The following DLGAP2 variants were observed in gnomAD, a reference collection of about 807,000 sequenced individuals.
DLGAP2 encodes the protein DLG associated protein 2.
Under a neutral mutation model 100.3 loss-of-function variants are expected in DLGAP2, and 26 were observed. The observed-to-expected ratio is 0.26, with a 90% CI of 0.19 to 0.36. The LOEUF (loss-of-function observed/expected upper bound fraction) is 0.36. Among genes scored for constraint, DLGAP2 ranks in the 10% least tolerant of loss-of-function variants. DLGAP2 has a pLI of 1.00. For synonymous variants in DLGAP2, 886 were observed against 630.1 expected (o/e 1.41, Z -6.08); for missense variants, 1,858 against 1,453.2 (o/e 1.28, Z -4.53).
intron 12 of DLGAP2, among the ~76,000 whole-genome samples, chr8:1,683,715 T>A (rs528863893): frequency 1.4e-5 from 2 of 148,110 alleles, no homozygotes; most frequent in Non-Finnish European, 3.0e-5. Flanking sequence ...AAGCAGAACA[T>A]CTAGACTCCC....
At chr8:1,490,998 C>T (rs13249482) in intron 3 of DLGAP2, among the ~76,000 whole-genome samples, 73,373 of 137,294 alleles carry the variant, frequency 0.53, 20,821 homozygotes, top group Admixed American at 0.65. Flanking sequence ...ACATTGTGCA[C>T]ATGTACCCTA....
chr8:1,446,805 C>T (rs896962359), intron 3 of DLGAP2, among the ~76,000 whole-genome samples: 1 of 152,158 alleles, frequency 6.6e-6, no homozygotes, highest in Non-Finnish European at 1.5e-5. Flanking sequence ...AGAGGTCATT[C>T]ACATCCCTTG....
chr8:1,126,592 G>A (rs1330070883), intron 2 of DLGAP2, among the ~76,000 whole-genome samples: 1 of 152,108 alleles, frequency 6.6e-6, no homozygotes. Context: ...GCTGTGGGAG[G>A]TGCTGTGCTG....
In DLGAP2 at chr8:1,697,411, C is replaced by T. The variant is rs531658681; in HGVS notation, c.2949+112C>T. On this transcript the variant is annotated intron_variant, in intron 14 of 14. Coordinates refer to ENST00000637795, the MANE Select transcript of DLGAP2 (RefSeq NM_001346810.2). Reference sequence around the variant, plus strand: ...GGTTCTCAGTCTTTTGCTGGCAACACACGAGCAAATTTCCCTCTATGTATG... The same window carrying T: ...GGTTCTCAGTCTTTTGCTGGCAACATACGAGCAAATTTCCCTCTATGTATG... 4.9e-6 allele frequency: 7 copies of T among 1,441,616 alleles called. No individual in the cohort carries two copies. In the Admixed American group the frequency reaches 1.6e-4, roughly 34 times the overall value. The allele number at this position is 1,441,616 out of a possible 1,614,324, so 89.3% of individuals were successfully genotyped here.
chr8:972,422 G>A (rs1232805576), intron 2 of DLGAP2, among the ~76,000 whole-genome samples: 1 of 152,118 alleles, frequency 6.6e-6, no homozygotes, highest in African/African-American at 2.4e-5. Context: ...AGTGATATAA[G>A]CAAAGAGATG....
chr8:1,097,700 A>G (rs529406043), intron 2 of DLGAP2, among the ~76,000 whole-genome samples: 2 of 132,206 alleles, frequency 1.5e-5, no homozygotes, highest in African/African-American at 3.0e-5. Context: ...GGTCTCCTCC[A>G]GTGTGAGACC....
At chr8:1,065,568 C>T (rs1281299840) in intron 2 of DLGAP2, among the ~76,000 whole-genome samples, 1 of 152,182 alleles carries the variant, frequency 6.6e-6, no homozygotes, top group Non-Finnish European at 1.5e-5. Flanking sequence ...AAATGTGGCT[C>T]TGTGCCTTAA....
intron 2 of DLGAP2, among the ~76,000 whole-genome samples, chr8:1,039,983 TGCATGG>T (rs1802276565): frequency 6.8e-6 from 1 of 146,672 alleles, no homozygotes; most frequent in Non-Finnish European, 1.5e-5. Context: ...CGGCTCGGTG[TGCATGG>T]TCTGCTCAGT....
At chr8:1,139,704 C>A (rs768848201) in intron 2 of DLGAP2, among the ~76,000 whole-genome samples, 6 of 152,178 alleles carry the variant, frequency 3.9e-5, no homozygotes, top group South Asian at 4.2e-4. Context: ...AACTGTGGCA[C>A]CCGACAGGCC....
At position 1,389,009 on chromosome 8, in the gene DLGAP2, C is replaced by T. The variant is rs1391728949; in HGVS notation, c.107-112357C>T. 2.1e-5 allele frequency among the ~76,000 whole-genome samples: 3 copies of T among 144,854 alleles called. No homozygotes were observed. The East Asian group carries it at 6.2e-4, about 30-fold the overall frequency. Reference sequence around the variant, plus strand: ...GGTTCAGGTGTCAGGGCTGTGAGAGCAGAGGCCGTGGATGAGGAGGCGCTG... The same window carrying T: ...GGTTCAGGTGTCAGGGCTGTGAGAGTAGAGGCCGTGGATGAGGAGGCGCTG... On this transcript the variant is annotated intron_variant, in intron 3 of 14. Transcript: ENST00000637795.
In DLGAP2 at chr8:957,025, A is replaced by G. The variant is rs1024351507; in HGVS notation, c.73+49059A>G. 3.3e-5 allele frequency among the ~76,000 whole-genome samples: 5 copies of G among 152,214 alleles called. No homozygotes were observed. In the South Asian group the frequency reaches 1.0e-3, roughly 32 times the overall value. On this transcript the variant is annotated intron_variant, in intron 2 of 14. Transcript: ENST00000637795. ...CAGGGTCTAAGAAATGTCACCTGTC[A>G]GTTGTCCTGGCTTATAATTTCAAGC... is the stretch of plus-strand genomic sequence containing the variant.
chr8:848,378 C>T (rs1347922242), intron 1 of DLGAP2, among the ~76,000 whole-genome samples: 3 of 120,136 alleles, frequency 2.5e-5, no homozygotes, highest in African/African-American at 3.0e-5. Context: ...AGTGTAGGGT[C>T]GTGCGGTGCG....
At chr8:1,437,045 A>T (rs1797656254) in intron 3 of DLGAP2, among the ~76,000 whole-genome samples, 1 of 151,808 alleles carries the variant, frequency 6.6e-6, no homozygotes, top group South Asian at 2.1e-4. Flanking sequence ...CCAGGCGCGT[A>T]AGGGTGACGC....
At chr8:851,719 G>A (rs1439141551) in intron 1 of DLGAP2, among the ~76,000 whole-genome samples, 1 of 152,162 alleles carries the variant, frequency 6.6e-6, no homozygotes, top group Non-Finnish European at 1.5e-5. Context: ...GCTATGGATA[G>A]GGGCATAGAT....
chr8:1,005,704 G>A (rs922726661), intron 2 of DLGAP2, among the ~76,000 whole-genome samples: 2 of 152,062 alleles, frequency 1.3e-5, no homozygotes, highest in South Asian at 2.1e-4. Flanking sequence ...ACAGGCATGA[G>A]CCACCGCTCC....
intron 1 of DLGAP2, among the ~76,000 whole-genome samples, chr8:771,292 G>A (rs1459901541): frequency 6.6e-6 from 1 of 152,214 alleles, no homozygotes; most frequent in Non-Finnish European, 1.5e-5. Context: ...CAAACGTGCT[G>A]TGCAGAGGCA....
rs1469789667 is a variant in DLGAP2 at position 1,237,660 on chromosome 8, G to A, written c.74-21191G>A. Among the ~76,000 whole-genome samples, 19 of 20,524 alleles carry A rather than the reference G, an allele frequency of 9.3e-4. No individual in the cohort carries two copies. In the South Asian group the frequency reaches 9.9e-3, roughly 11 times the overall value. 13.5% of individuals were successfully genotyped at this position (20,524 alleles called of 152,430 possible). A position where few individuals can be genotyped will look rare whatever the true frequency, so the allele number is the denominator to read the frequency against. ...TGTCTAGTTCTCTCTCACACATAGC[G>A]TCATGTCTAGTTCTCTCTCACATGG... On this transcript the variant is annotated intron_variant, in intron 2 of 14. Transcript: ENST00000637795.
chr8:1,038,707 A>T (rs1802203730), intron 2 of DLGAP2, among the ~76,000 whole-genome samples: 1 of 152,228 alleles, frequency 6.6e-6, no homozygotes, highest in South Asian at 2.1e-4. Context: ...GAACCTTGAA[A>T]GGAATAATAG....
intron 2 of DLGAP2, among the ~76,000 whole-genome samples, chr8:1,254,340 G>A (rs916417153): frequency 2.0e-5 from 3 of 152,162 alleles, no homozygotes; most frequent in Admixed American, 6.5e-5. Flanking sequence ...TCTCCTCCAC[G>A]TGGGAGGCCA....
Sources: allele counts gnomAD v4.1 joint callset (sites outside exome capture counted in the v4.1 genomes callset), GRCh38; gene constraint gnomAD v4.1.1; transcripts MANE v1.5; gene names NCBI Gene and HGNC (gene_info 2026-07-23, HGNC 2026-07-21).